The following MACROD2 variants were observed in gnomAD, a reference collection of about 807,000 sequenced individuals.
MACROD2 encodes ADP-ribose glycohydrolase MACROD2.
A neutral mutation model predicts 70.4 loss-of-function variants in MACROD2; 36 were observed. That is an observed-to-expected ratio of 0.51 (90% CI 0.39 to 0.68). MACROD2 has a LOEUF of 0.68. Among genes scored for constraint, MACROD2 ranks in the 30% least tolerant of loss-of-function variants. MACROD2 has a pLI of 0.00. For missense variants in MACROD2, 496 were observed against 538.4 expected (o/e 0.92, Z 0.78); for synonymous variants, 172 against 178.8 (o/e 0.96, Z 0.30).
chr20:15,488,375 G>A (rs1425669530), intron 7 of MACROD2, among the ~76,000 whole-genome samples: 2 of 152,158 alleles, frequency 1.3e-5, no homozygotes, highest in African/African-American at 2.4e-5. Context: ...ACACCATGTT[G>A]AGCACCTATT....
chr20:14,090,861 C>A (rs776534005), intron 3 of MACROD2, among the ~76,000 whole-genome samples: 5 of 152,088 alleles, frequency 3.3e-5, no homozygotes, highest in Non-Finnish European at 7.4e-5. Flanking sequence ...ACTTACGTTC[C>A]CAACAGTGTG....
At chr20:14,121,540 G>A (rs186752056) in intron 3 of MACROD2, among the ~76,000 whole-genome samples, 1 of 152,182 alleles carries the variant, frequency 6.6e-6, no homozygotes, top group Non-Finnish European at 1.5e-5. Context: ...GAAACAATAT[G>A]GTTTCTATTA....
At chr20:14,623,688 C>T (rs1857133948) in intron 4 of MACROD2, among the ~76,000 whole-genome samples, 3 of 152,282 alleles carry the variant, frequency 2.0e-5, no homozygotes, top group Middle Eastern at 3.4e-3. Flanking sequence ...GGAGCATCAT[C>T]ATCCCTGAAA....
At chr20:14,933,826 G>A (rs1451185903) in intron 5 of MACROD2, 2 of 151,954 alleles carry the variant, frequency 1.3e-5, no homozygotes, top group African/African-American at 2.4e-5. Context: ...GAAGGTAATG[G>A]TTTACTCTGA....
At chr20:15,860,151 A>T (rs2147160453) in intron 8 of MACROD2, among the ~76,000 whole-genome samples, 1 of 152,228 alleles carries the variant, frequency 6.6e-6, no homozygotes, top group African/African-American at 2.4e-5. Flanking sequence ...ACAAACACAC[A>T]CAAAAAAGTA....
At chr20:14,310,164 C>T (rs894857573) in intron 3 of MACROD2, among the ~76,000 whole-genome samples, 9 of 151,928 alleles carry the variant, frequency 5.9e-5, no homozygotes, top group African/African-American at 1.9e-4. Flanking sequence ...ATGATTATAC[C>T]CTTTAATTTT....
chr20:16,006,161 C>A (rs559468443), intron 15 of MACROD2, among the ~76,000 whole-genome samples: 1 of 152,152 alleles, frequency 6.6e-6, no homozygotes, highest in Non-Finnish European at 1.5e-5. Context: ...ACTTTAAATT[C>A]TCAGAATATT....
In MACROD2 at chr20:15,869,238, T is replaced by TATATAGAGAGAGAGAGAGAGAG; in HGVS notation, c.727+6413_727+6414insTATAGAGAGAGAGAGAGAGAGA. ...ATATATATATATATATATATATATA[T>TATATAGAGAGAGAGAGAGAGAG]AGAGAGAGAGAGAGAGAGAGAGAGA... On this transcript the variant is annotated intron_variant, in intron 9 of 17. Transcript: ENST00000684519. Among the ~76,000 whole-genome samples, 79 of 28,288 alleles carry TATATAGAGAGAGAGAGAGAGAG rather than the reference T, an allele frequency of 2.8e-3. 2 individuals are homozygous for TATATAGAGAGAGAGAGAGAGAG. The highest frequency in any genetic ancestry group is 2.8e-3 in the Non-Finnish European group (37 of 13,026). 18.6% of individuals were successfully genotyped at this position (28,288 alleles called of 152,430 possible).
intron 7 of MACROD2, among the ~76,000 whole-genome samples, chr20:15,442,733 C>G (rs911952004): frequency 3.3e-5 from 5 of 152,050 alleles, no homozygotes; most frequent in African/African-American, 9.7e-5. Flanking sequence ...CAGATATTTA[C>G]CACCCAAAGA....
At chr20:15,046,023 C>T (rs991346945) in intron 5 of MACROD2, among the ~76,000 whole-genome samples, 11 of 151,880 alleles carry the variant, frequency 7.2e-5, no homozygotes, top group African/African-American at 2.2e-4. Flanking sequence ...CTCTCTGTGG[C>T]GTCCTTTCGG....
At chr20:16,019,989 C>G (rs773954058) in intron 15 of MACROD2, among the ~76,000 whole-genome samples, 6 of 152,134 alleles carry the variant, frequency 3.9e-5, no homozygotes, top group Non-Finnish European at 8.8e-5. Context: ...AGCTCTGTGC[C>G]CAGGAAGAAA....
intron 5 of MACROD2, among the ~76,000 whole-genome samples, chr20:15,191,041 A>G (rs2076567176): frequency 6.6e-6 from 1 of 152,216 alleles, no homozygotes; most frequent in African/African-American, 2.4e-5. Flanking sequence ...TATCAAAAAT[A>G]TAGAAAACTG....
chr20:14,863,376 AG>A, intron 5 of MACROD2, among the ~76,000 whole-genome samples: 1 of 152,232 alleles, frequency 6.6e-6, no homozygotes, highest in Middle Eastern at 3.4e-3. Flanking sequence ...TAAAGCTCCA[AG>A]GGGTAAAGGA....
At chr20:15,491,232 T>C (rs2047227850) in intron 7 of MACROD2, among the ~76,000 whole-genome samples, 1 of 152,180 alleles carries the variant, frequency 6.6e-6, no homozygotes, top group Non-Finnish European at 1.5e-5. Flanking sequence ...AATATTATGT[T>C]ACCGTCGTGC....
chr20:14,009,242 A>G (rs1168704417), intron 2 of MACROD2, among the ~76,000 whole-genome samples: 1 of 152,246 alleles, frequency 6.6e-6, no homozygotes, highest in Admixed American at 6.5e-5. Context: ...TCCAGCATCT[A>G]TAAGGAACTT....
intron 3 of MACROD2, among the ~76,000 whole-genome samples, chr20:14,179,134 A>T (rs576091342): frequency 1.3e-5 from 2 of 152,208 alleles, no homozygotes; most frequent in Admixed American, 1.3e-4. Context: ...ATATCAGACT[A>T]TGTCTCATGA....
intron 3 of MACROD2, among the ~76,000 whole-genome samples, chr20:14,090,086 A>G (rs1233809193): frequency 6.6e-6 from 1 of 152,144 alleles, no homozygotes; most frequent in Non-Finnish European, 1.5e-5. Context: ...CCCAATGTCA[A>G]AAACCGAAAA....
chr20:14,827,848 A>T (rs2122226210), intron 5 of MACROD2, among the ~76,000 whole-genome samples: 1 of 152,238 alleles, frequency 6.6e-6, no homozygotes, highest in South Asian at 2.1e-4. Flanking sequence ...TATTAATAAG[A>T]ATTCAAAATA....
At chr20:15,138,674 T>A (rs890589752) in intron 5 of MACROD2, among the ~76,000 whole-genome samples, 7 of 152,196 alleles carry the variant, frequency 4.6e-5, no homozygotes, top group African/African-American at 1.7e-4. Context: ...TGGCATTGAA[T>A]GTGTTTGTTT....
Sources: gnomAD v4.1 joint callset for allele counts (sites outside exome capture counted in the v4.1 genomes callset) on GRCh38, gnomAD v4.1.1 for gene constraint, MANE v1.5 for transcripts, NCBI Gene and HGNC (gene_info 2026-07-23, HGNC 2026-07-21) for gene names.